The following ZCWPW2 variants were observed in gnomAD, a reference collection of about 807,000 sequenced individuals.
The protein encoded by ZCWPW2 is zinc finger CW-type PWWP domain protein 2.
In ZCWPW2, 45 loss-of-function variants were observed where a neutral mutation model predicts 46.6. That is an observed-to-expected ratio of 0.96 (90% CI 0.76 to 1.24). The LOEUF is 1.24. Among genes scored for constraint, ZCWPW2 ranks in the 50% most tolerant of loss-of-function variants. ZCWPW2 has a pLI of 0.00. For synonymous variants in ZCWPW2, 152 were observed against 137.1 expected, an observed-to-expected ratio of 1.11 and a Z score of -0.76; for missense variants, 429 against 403.9, an observed-to-expected ratio of 1.06 and a Z score of -0.53.
At chr3:28,488,749 C>G (rs1460637093) in intron 5 of ZCWPW2, among the ~76,000 whole-genome samples, 3 of 152,116 alleles carry the variant, frequency 2.0e-5, no homozygotes, top group African/African-American at 7.2e-5. Context: ...AGTGAAGGCC[C>G]TTTTCATTAT....
chr3:28,498,853 C>A (rs7427045), intron 6 of ZCWPW2, among the ~76,000 whole-genome samples: 1 of 151,748 alleles, frequency 6.6e-6, no homozygotes, highest in Admixed American at 6.6e-5. Context: ...CCTGTGTCCA[C>A]GTGTTCATTG....
intron 4 of ZCWPW2, chr3:28,447,861 T>C (rs570915308): frequency 1.4e-4 from 140 of 1,033,008 alleles, no homozygotes; most frequent in Non-Finnish European, 1.9e-4. Context: ...AATCTGCATG[T>C]GGTGTGTGCC....
intron 1 of ZCWPW2, among the ~76,000 whole-genome samples, chr3:28,359,438 A>C (rs1704856044): frequency 6.6e-6 from 1 of 152,100 alleles, no homozygotes; most frequent in Non-Finnish European, 1.5e-5. Flanking sequence ...AGTAGAGCTA[A>C]CTTACTTGAC....
intron 4 of ZCWPW2, among the ~76,000 whole-genome samples, chr3:28,450,377 CT>C (rs1197901237): frequency 6.6e-6 from 1 of 152,094 alleles, no homozygotes; most frequent in African/African-American, 2.4e-5. Context: ...TGAGGTCATT[CT>C]TGTCATTCAA....
At chr3:28,486,006 T>C (rs1329483097) in intron 5 of ZCWPW2, among the ~76,000 whole-genome samples, 4 of 152,288 alleles carry the variant, frequency 2.6e-5, no homozygotes, top group South Asian at 2.1e-4. Context: ...ACTGTTTTTG[T>C]CTTTCACTCT....
At chr3:28,436,976 T>C (rs981029539) in intron 4 of ZCWPW2, among the ~76,000 whole-genome samples, 14 of 152,236 alleles carry the variant, frequency 9.2e-5, no homozygotes, top group African/African-American at 3.4e-4. Flanking sequence ...CACTCTATTG[T>C]CTAGACTTCC....
At chr3:28,403,553 T>G (rs1169924104) in intron 2 of ZCWPW2, among the ~76,000 whole-genome samples, 1 of 152,098 alleles carries the variant, frequency 6.6e-6, no homozygotes, top group East Asian at 1.9e-4. Flanking sequence ...ATTCTAAAAT[T>G]TATGTGGAAC....
rs1696991252 is a variant in ZCWPW2, at chr3:28,425,969, C to T, written c.333-9141C>T. Among the ~76,000 whole-genome samples the T allele has an allele frequency of 2.0e-5, 3 of 151,928 alleles. No homozygotes were observed. The South Asian group carries it at 6.2e-4, about 31-fold the overall frequency. ...TACTAAAATTTCAAAATTAGCTGGG[C>T]GTGGTGGCACATGTCTGTAATCCCA... On this transcript the variant is annotated intron_variant, in intron 3 of 9. Coordinates refer to ENST00000383768, the MANE Select transcript of ZCWPW2 (RefSeq NM_001040432.4).
At chr3:28,370,434 A>G (rs1346305351) in intron 1 of ZCWPW2, among the ~76,000 whole-genome samples, 2 of 152,262 alleles carry the variant, frequency 1.3e-5, no homozygotes, top group Non-Finnish European at 2.9e-5. Context: ...TTAATAAACT[A>G]GCTACAAGCA....
At chr3:28,352,126 GCACACACACA>G (rs111383620) in intron 1 of ZCWPW2, among the ~76,000 whole-genome samples, 26 of 129,704 alleles carry the variant, frequency 2.0e-4, no homozygotes, top group South Asian at 1.1e-3. Context: ...TCAGATGTAT[GCACACACACA>G]CACACACACA....
chr3:28,508,566 G>A (rs1424578945), intron 6 of ZCWPW2, among the ~76,000 whole-genome samples: 4 of 152,092 alleles, frequency 2.6e-5, no homozygotes, highest in African/African-American at 9.7e-5. Flanking sequence ...CACCCAGGCT[G>A]TAGTGCAGTG....
intron 1 of ZCWPW2, among the ~76,000 whole-genome samples, chr3:28,379,295 G>A (rs1335876493): frequency 2.0e-5 from 3 of 152,108 alleles, no homozygotes; most frequent in African/African-American, 7.2e-5. Flanking sequence ...TTGAGAATGA[G>A]GAATATGGTC....
intron 4 of ZCWPW2, among the ~76,000 whole-genome samples, chr3:28,439,145 GTA>G (rs35880062): frequency 0.28 from 39,309 of 141,612 alleles, 5,357 homozygotes; most frequent in African/African-American, 0.3. Flanking sequence ...CATAGGATGT[GTA>G]TATATATATA....
chr3:28,440,320 G>A (rs1697699736), intron 4 of ZCWPW2, among the ~76,000 whole-genome samples: 1 of 152,116 alleles, frequency 6.6e-6, no homozygotes, highest in Non-Finnish European at 1.5e-5. Flanking sequence ...TCTCCTGATG[G>A]CAGCATTCCT....
At chr3:28,472,681 A>G (rs1699082058) in intron 4 of ZCWPW2, among the ~76,000 whole-genome samples, 1 of 152,188 alleles carries the variant, frequency 6.6e-6, no homozygotes, top group Non-Finnish European at 1.5e-5. Flanking sequence ...CTTGAGTAAT[A>G]TACCCCACAA....
intron 6 of ZCWPW2, 106 bp downstream of exon 6, chr3:28,492,279 C>T: frequency 2.0e-6 from 2 of 1,025,124 alleles, no homozygotes; most frequent in Non-Finnish European, 2.7e-6. Context: ...ACATACAATC[C>T]ATTTTTTCTT....
intron 1 of ZCWPW2, among the ~76,000 whole-genome samples, chr3:28,358,345 C>A (rs968908568): frequency 2.0e-5 from 3 of 152,082 alleles, no homozygotes; most frequent in Non-Finnish European, 4.4e-5. Context: ...CCAACGTAGG[C>A]ACTGAAATTG....
chr3:28,431,610 AC>A lies in ZCWPW2; in HGVS notation c.333-3499del, dbSNP rs572008104. On this transcript the variant is annotated intron_variant, in intron 3 of 9. Transcript: ENST00000383768. Reference sequence around the variant, plus strand: ...AAATATGACCACATCTGAAGCTAGGACTTCAGCATACAAATTTGAGGGTGTG... The same window carrying A: ...AAATATGACCACATCTGAAGCTAGGATTCAGCATACAAATTTGAGGGTGTG... 2.5e-3 allele frequency among the ~76,000 whole-genome samples: 383 copies of A among 152,224 alleles called. 1 individual carries two copies. The highest frequency in any genetic ancestry group is 8.4e-3 in the African/African-American group (347 of 41,518).
intron 1 of ZCWPW2, among the ~76,000 whole-genome samples, chr3:28,358,508 T>A (rs545893672): frequency 6.6e-6 from 1 of 152,304 alleles, no homozygotes; most frequent in African/African-American, 2.4e-5. Flanking sequence ...AACATCAGTT[T>A]GAAAATTATG....
Sources: allele counts gnomAD v4.1 joint callset (sites outside exome capture counted in the v4.1 genomes callset), GRCh38; gene constraint gnomAD v4.1.1; transcripts MANE v1.5; gene names NCBI Gene and HGNC (gene_info 2026-07-23, HGNC 2026-07-21).